BRWD1: variants seen among roughly 807,000 people sequenced by gnomAD.
The protein encoded by BRWD1 is bromodomain and WD repeat domain containing 1.
Under a neutral mutation model 251.2 loss-of-function variants are expected in BRWD1, and 82 were observed. That is an observed-to-expected ratio of 0.33 (90% CI 0.27 to 0.39). BRWD1 has a LOEUF of 0.39. Ranked by LOEUF, BRWD1 falls within the 10% of genes least tolerant of loss-of-function variation. The pLI is 1.00. For missense variants in BRWD1, 2,233 were observed against 2,711.6 expected, an observed-to-expected ratio of 0.82 and a Z score of 3.92; for synonymous variants, 918 against 902.8, an observed-to-expected ratio of 1.02 and a Z score of -0.30.
chr21:39,226,372 T>C (rs1412357083), intron 27 of BRWD1, among the ~76,000 whole-genome samples: 1 of 151,902 alleles, frequency 6.6e-6, no homozygotes, highest in South Asian at 2.1e-4. Context: ...GGAAGCAAAA[T>C]GAATTAAAGT....
chr21:39,244,607 G>A (rs1431410323), intron 21 of BRWD1, among the ~76,000 whole-genome samples: 1 of 152,124 alleles, frequency 6.6e-6, no homozygotes, highest in East Asian at 1.9e-4. Flanking sequence ...ATCCTTGACA[G>A]TAATTAATGT....
intron 17 of BRWD1, among the ~76,000 whole-genome samples, chr21:39,261,527 C>T (rs1293138357): frequency 6.6e-6 from 1 of 152,092 alleles, no homozygotes; most frequent in African/African-American, 2.4e-5. Flanking sequence ...TTTATTTCTA[C>T]CCACCCATGA....
rs1168348210 is a variant in BRWD1 at position 39,215,272 on chromosome 21, A to G, written c.3750T>C (p.Ala1250=). 1.2e-6 allele frequency: 2 copies of G among 1,612,754 alleles called. No individual in the cohort carries two copies. Among genetic ancestry groups the G allele is most frequent in the Non-Finnish European group, 1.7e-6 (2 of 1,178,852 alleles). Residue 1250 remains alanine, a synonymous_variant, in exon 32 of 41, where the codon GCT becomes GCC. Transcript: ENST00000342449. ...TTAAAAGTTGGTCAGTTATCTTTTT[A>G]GCTGATCTTGCAATTACACTCTCAG... ...NEPESVIARS[A]KKITDQLLKF...
chr21:39,207,485 A>ATACACACAC (rs1350272514), intron 36 of BRWD1, among the ~76,000 whole-genome samples: 1 of 120,152 alleles, frequency 8.3e-6, no homozygotes, highest in South Asian at 2.6e-4. Flanking sequence ...CACACACACA[A>ATACACACAC]ACAAAACTCC....
chr21:39,185,554 T>C lies in BRWD1; in HGVS notation c.*10705A>G, dbSNP rs1174707039. ...TATCAACATATTGGGGATCAGTAAT[T>C]TAGATGAAAGTATACTACAAAAGGA... is the stretch of plus-strand genomic sequence containing the variant. On this transcript the variant is annotated 3_prime_UTR_variant, in exon 41 of 41. Transcript: ENST00000342449. 1.3e-5 allele frequency: 2 copies of C among 152,022 alleles called. No individual in the cohort carries two copies. The highest frequency in any genetic ancestry group is 1.5e-5 in the Non-Finnish European group (1 of 67,952). 9.4% of individuals were successfully genotyped at this position (152,022 alleles called of 1,614,324 possible).
intron 34 of BRWD1, among the ~76,000 whole-genome samples, chr21:39,211,288 A>G (rs2032646045): frequency 6.6e-6 from 1 of 152,220 alleles, no homozygotes; most frequent in Non-Finnish European, 1.5e-5. Flanking sequence ...CCCACCAAAG[A>G]TGTCCACATC....
chr21:39,269,240 CA>C (rs1044232633), intron 15 of BRWD1, among the ~76,000 whole-genome samples: 33 of 133,330 alleles, frequency 2.5e-4, no homozygotes, highest in African/African-American at 5.0e-4. Context: ...TATACATATG[CA>C]AAAAAAAAAA....
rs779165556 is a variant in BRWD1, at chr21:39,225,050, T to A, written c.3320+36A>T. On this transcript the variant is annotated intron_variant, in intron 28 of 40. Transcript: ENST00000342449. ...TATACAGCAACCTGCCACACTGAATTACTGGGAAATGATTAGTTTTCATCT... is the reference window on the plus strand; with the variant it reads ...TATACAGCAACCTGCCACACTGAATAACTGGGAAATGATTAGTTTTCATCT... The A allele has an allele frequency of 4.3e-6, 6 of 1,382,046 alleles. No homozygotes were observed. In the South Asian group the frequency reaches 7.1e-5, roughly 16 times the overall value. The allele number at this position is 1,382,046 out of a possible 1,614,324, so 85.6% of individuals were successfully genotyped here.
intron 7 of BRWD1, among the ~76,000 whole-genome samples, chr21:39,295,191 T>G (rs1193046854): frequency 3.7e-5 from 5 of 133,586 alleles, no homozygotes; most frequent in African/African-American, 8.4e-5. Flanking sequence ...TTTTTTTTTT[T>G]TTTTTTTTTT....
chr21:39,275,053 A>G (rs2035237602), intron 12 of BRWD1, among the ~76,000 whole-genome samples: 1 of 152,194 alleles, frequency 6.6e-6, no homozygotes, highest in South Asian at 2.1e-4. Context: ...TCAAAAAAAA[A>G]TAATTAAATA....
chr21:39,286,749 C>T (rs1335027569), intron 8 of BRWD1, among the ~76,000 whole-genome samples: 2 of 151,916 alleles, frequency 1.3e-5, no homozygotes, highest in African/African-American at 4.8e-5. Context: ...CTCCTGACCT[C>T]GTGATCCGCC....
chr21:39,194,481 C>G lies in BRWD1; in HGVS notation c.*1778G>C, dbSNP rs2031709406. ...CAATCTGTTTACTATCTACTTAACA[C>G]AAGTTCTGAGAAGAAAAGCATCATA... On this transcript the variant is annotated 3_prime_UTR_variant, in exon 41 of 41. Transcript: ENST00000342449. 7.1e-7 allele frequency: 1 copy of G among 1,403,010 alleles called. No individual in the cohort carries two copies. The highest frequency in any genetic ancestry group is 1.5e-5 in the African/African-American group (1 of 68,888). 86.9% of individuals were successfully genotyped at this position (1,403,010 alleles called of 1,614,324 possible).
At chr21:39,208,288 A>C (rs974460199) in intron 36 of BRWD1, among the ~76,000 whole-genome samples, 6 of 152,106 alleles carry the variant, frequency 3.9e-5, no homozygotes, top group African/African-American at 4.8e-5. Flanking sequence ...GAAAAAAAAC[A>C]GTCTTACAAA....
rs201918676 is a variant in BRWD1, at chr21:39,247,831, G to A, written c.2351C>T (p.Ser784Leu). ...CTGTGATACCAAAACCACTGAATCC[G>A]ACTGAAACACAGAAAAACATGCGAA... is the stretch of plus-strand genomic sequence containing the variant. ...KRKTLQLSHK[S>L]DSVVLVSQSR... is the part of the protein sequence containing the mutation. The change falls in exon 21 of 41, where the codon TCG becomes TTG. Residue 784 changes from serine to leucine, a missense_variant and splice_region_variant. Physicochemically the swap from Ser to Leu is moderately radical, Grantham distance 145. Coordinates refer to ENST00000342449, the MANE Select transcript of BRWD1 (RefSeq NM_033656.4). The A allele has an allele frequency of 2.2e-4, 348 of 1,589,544 alleles. No homozygotes were observed. Among genetic ancestry groups the A allele is most frequent in the Non-Finnish European group, 2.9e-4 (338 of 1,169,552 alleles).
At chr21:39,255,361 G>A (rs1387523719) in intron 19 of BRWD1, among the ~76,000 whole-genome samples, 3 of 151,654 alleles carry the variant, frequency 2.0e-5, no homozygotes, top group Non-Finnish European at 2.9e-5. Flanking sequence ...GCAGTGAGCC[G>A]AGATCATGCC....
At chr21:39,253,146 G>A (rs1190465986) in intron 19 of BRWD1, among the ~76,000 whole-genome samples, 4 of 151,898 alleles carry the variant, frequency 2.6e-5, no homozygotes, top group Admixed American at 1.3e-4. Context: ...AAAATTAGCC[G>A]GGTGTGGTGA....
chr21:39,240,923 CAG>C (rs1473731021), intron 21 of BRWD1, among the ~76,000 whole-genome samples: 15 of 150,432 alleles, frequency 1.0e-4, no homozygotes, highest in Non-Finnish European at 8.9e-5. Flanking sequence ...TTTTTTGAGA[CAG>C]AGTTTCACTC....
At chr21:39,295,609 C>T (rs910927569) in intron 7 of BRWD1, 134 bp downstream of exon 7, 8 of 559,848 alleles carry the variant, frequency 1.4e-5, no homozygotes, top group East Asian at 3.2e-5. Context: ...AATACAAATT[C>T]GTGAGACCCA....
At chr21:39,294,255 T>A (rs913372946) in intron 7 of BRWD1, among the ~76,000 whole-genome samples, 4 of 152,218 alleles carry the variant, frequency 2.6e-5, no homozygotes, top group Non-Finnish European at 5.9e-5. Flanking sequence ...CGAGTTATCA[T>A]TTCTACGGGT....
Sources: gnomAD v4.1 joint callset for allele counts (sites outside exome capture counted in the v4.1 genomes callset) on GRCh38, gnomAD v4.1.1 for gene constraint, MANE v1.5 for transcripts, NCBI Gene and HGNC (gene_info 2026-07-23, HGNC 2026-07-21) for gene names.